The following PCDH15 variants were observed in gnomAD, a reference collection of about 807,000 sequenced individuals.
PCDH15 encodes the protein protocadherin related 15, also known as protocadherin-15.
A neutral mutation model predicts 178.5 loss-of-function variants in PCDH15; 129 were observed. The ratio of observed to expected loss-of-function variants is 0.72; its 90% CI spans 0.63 to 0.84. The LOEUF (loss-of-function observed/expected upper bound fraction) is 0.84. PCDH15 is among the 40% of genes least tolerant of loss of function. The pLI, the probability that PCDH15 is intolerant of heterozygous loss-of-function variation, is 0.00. For missense variants in PCDH15, 2,230 were observed against 2,099.9 expected (o/e 1.06, Z -1.21); for synonymous variants, 800 against 732.0 (o/e 1.09, Z -1.50).
chr10:53,914,834 A>T (rs1034446475), intron 25 of PCDH15, among the ~76,000 whole-genome samples: 1 of 152,200 alleles, frequency 6.6e-6, no homozygotes, highest in Non-Finnish European at 1.5e-5. Flanking sequence ...ATTTCTCTAA[A>T]AAGTTTAACT....
rs1839203267 is a variant in PCDH15, at chr10:55,166,575, C to T, written c.-80+1G>A. The T allele has an allele frequency of 6.6e-6, 1 of 152,106 alleles. No homozygotes were observed. Among genetic ancestry groups the T allele is most frequent in the African/African-American group, 2.4e-5 (1 of 41,440 alleles). The allele number at this position is 152,106 out of a possible 1,614,324, so 9.4% of individuals were successfully genotyped here. ...ATAAAGGAGGATACCACTTTACTCA[C>T]CCTAGTGTCGTGTCCTTTTGTCAAC... is the stretch of plus-strand genomic sequence containing the variant. On this transcript the variant is annotated splice_donor_variant, in intron 2 of 5. Coordinates refer to the PCDH15 transcript ENST00000458638. LOFTEE classifies it low-confidence loss of function (5UTR_SPLICE).
At chr10:54,360,543 C>G (rs1417202692) in intron 5 of PCDH15, among the ~76,000 whole-genome samples, 4 of 152,038 alleles carry the variant, frequency 2.6e-5, no homozygotes, top group Non-Finnish European at 2.9e-5. Flanking sequence ...TGTTCATCTT[C>G]ATGGGTCCCA....
chr10:54,881,232 C>T (rs779273679), intron 3 of PCDH15, among the ~76,000 whole-genome samples: 3 of 152,048 alleles, frequency 2.0e-5, no homozygotes, highest in Non-Finnish European at 4.4e-5. Flanking sequence ...TGAGGAATTA[C>T]TCAGCGGGGC....
intron 2 of PCDH15, among the ~76,000 whole-genome samples, chr10:55,087,885 C>A (rs1295040486): frequency 6.6e-6 from 1 of 152,022 alleles, no homozygotes; most frequent in East Asian, 1.9e-4. Context: ...TAATAAAATA[C>A]ATGAGTGAAT....
chr10:53,956,301 C>A (rs923254170), intron 23 of PCDH15, among the ~76,000 whole-genome samples: 7 of 151,872 alleles, frequency 4.6e-5, no homozygotes, highest in Admixed American at 3.3e-4. Flanking sequence ...CAGCTATATG[C>A]CCGTGAGAAA....
chr10:54,262,932 G>A (rs1282311749), intron 8 of PCDH15, among the ~76,000 whole-genome samples: 1 of 145,038 alleles, frequency 6.9e-6, no homozygotes, highest in African/African-American at 2.8e-5. Flanking sequence ...GGGAGTGTGA[G>A]CTAGGCAGAC....
intron 28 of PCDH15, among the ~76,000 whole-genome samples, chr10:53,846,853 C>T (rs138721855): frequency 2.6e-5 from 4 of 151,836 alleles, no homozygotes; most frequent in Non-Finnish European, 5.9e-5. Context: ...TCTCAATTAC[C>T]CATTTGTCTG....
chr10:54,615,968 C>T (rs565805826), intron 2 of PCDH15, among the ~76,000 whole-genome samples: 9 of 152,056 alleles, frequency 5.9e-5, no homozygotes, highest in South Asian at 4.1e-4. Flanking sequence ...AAATATCACA[C>T]GGTTTAAAGG....
chr10:54,719,429 G>A (rs1455065244), intron 1 of PCDH15, among the ~76,000 whole-genome samples: 1 of 151,986 alleles, frequency 6.6e-6, no homozygotes, highest in Non-Finnish European at 1.5e-5. Context: ...AAAGTAAAAT[G>A]TAAGGAAAAT....
At chr10:55,095,056 G>C (rs1236066992) in intron 2 of PCDH15, among the ~76,000 whole-genome samples, 1 of 151,650 alleles carries the variant, frequency 6.6e-6, no homozygotes, top group African/African-American at 2.4e-5. Context: ...CAAGTAGCGG[G>C]ACCACAAGTG....
chr10:53,893,309 A>G (rs749989489), intron 26 of PCDH15, among the ~76,000 whole-genome samples: 7 of 152,230 alleles, frequency 4.6e-5, no homozygotes, highest in Non-Finnish European at 1.0e-4. Flanking sequence ...TGAAACCCAC[A>G]GGGAAGTCCA....
At chr10:55,504,670 C>T (rs1228931314) in intron 2 of PCDH15, among the ~76,000 whole-genome samples, 1 of 151,040 alleles carries the variant, frequency 6.6e-6, no homozygotes, top group Admixed American at 6.6e-5. Flanking sequence ...TAACAGCATA[C>T]AATAATGAAT....
intron 23 of PCDH15, 116 bp downstream of exon 23, chr10:53,959,616 G>A (rs572869924): frequency 4.6e-5 from 34 of 743,422 alleles, no homozygotes; most frequent in Admixed American, 2.2e-4. Flanking sequence ...ATTTAGAAAC[G>A]CCTAAACCAA....
chr10:55,127,620 T>C (rs925310346), intron 2 of PCDH15, among the ~76,000 whole-genome samples: 8 of 152,136 alleles, frequency 5.3e-5, no homozygotes, highest in Non-Finnish European at 1.2e-4. Context: ...TATAATCCTA[T>C]GTTCGATCCC....
chr10:55,366,666 T>C (rs1420644985), intron 2 of PCDH15, among the ~76,000 whole-genome samples: 1 of 152,170 alleles, frequency 6.6e-6, no homozygotes, highest in East Asian at 1.9e-4. Flanking sequence ...TAATGTAGAA[T>C]GTTCACTAAG....
At chr10:54,189,925 A>ATGTATG (rs2048827075) in intron 11 of PCDH15, among the ~76,000 whole-genome samples, 1 of 141,482 alleles carries the variant, frequency 7.1e-6, no homozygotes, top group Admixed American at 7.1e-5. Flanking sequence ...ATGCATGTGT[A>ATGTATG]TGTGTGTGTG....
At chr10:55,574,144 T>C (rs933405752) in intron 2 of PCDH15, among the ~76,000 whole-genome samples, 3 of 152,058 alleles carry the variant, frequency 2.0e-5, no homozygotes, top group Admixed American at 2.0e-4. Flanking sequence ...AATGTTAATG[T>C]GTGCACTGTC....
chr10:55,575,397 A>G (rs1420032472), intron 2 of PCDH15, among the ~76,000 whole-genome samples: 1 of 152,150 alleles, frequency 6.6e-6, no homozygotes, highest in African/African-American at 2.4e-5. Flanking sequence ...TTTGCCAAAT[A>G]AAAGTGTATG....
chr10:54,344,706 C>A (rs1156545986), intron 6 of PCDH15, among the ~76,000 whole-genome samples: 30 of 151,672 alleles, frequency 2.0e-4, no homozygotes, highest in Admixed American at 3.9e-4. Flanking sequence ...GTTTCAAAAT[C>A]GAATGTTCAG....
Sources: gnomAD v4.1 joint callset for allele counts (sites outside exome capture counted in the v4.1 genomes callset) on GRCh38, gnomAD v4.1.1 for gene constraint, MANE v1.5 for transcripts, NCBI Gene and HGNC (gene_info 2026-07-23, HGNC 2026-07-21) for gene names.